The following LARP1B variants were observed in gnomAD, a reference collection of about 807,000 sequenced individuals.
LARP1B encodes la-related protein 1B.
LARP1B carries 76 observed loss-of-function variants against 114.2 expected under a neutral mutation model. The ratio of observed to expected loss-of-function variants is 0.67; its 90% CI spans 0.55 to 0.81. The LOEUF (loss-of-function observed/expected upper bound fraction) is 0.81, where lower values mean the gene tolerates loss of function less well. Among genes scored for constraint, LARP1B ranks in the 30% least tolerant of loss-of-function variants. LARP1B has a pLI of 0.00. For synonymous variants in LARP1B, 345 were observed against 348.0 expected, an observed-to-expected ratio of 0.99 and a Z score of 0.10; for missense variants, 1,014 against 1,075.8, an observed-to-expected ratio of 0.94 and a Z score of 0.80.
intron 9 of LARP1B, chr4:128,108,357 A>G: frequency 1.0e-6 from 1 of 991,298 alleles, no homozygotes; most frequent in Non-Finnish European, 1.2e-6. Context: ...AGTGTAGTGT[A>G]CATTGTAAAA....
At chr4:128,075,746 C>T (rs1270874497) in intron 3 of LARP1B, among the ~76,000 whole-genome samples, 1 of 151,614 alleles carries the variant, frequency 6.6e-6, no homozygotes, top group African/African-American at 2.4e-5. Context: ...GGGGTTTGGT[C>T]ATGTTGCCCA....
chr4:128,219,727 A>G (rs1228913361), intron 6 of LARP1B, among the ~76,000 whole-genome samples: 4 of 148,886 alleles, frequency 2.7e-5, no homozygotes, highest in African/African-American at 9.9e-5. Flanking sequence ...GCGCACCAGC[A>G]TGGCACATGT....
At chr4:128,175,070 G>C (rs1298653036) in intron 12 of LARP1B, among the ~76,000 whole-genome samples, 1 of 152,064 alleles carries the variant, frequency 6.6e-6, no homozygotes, top group Non-Finnish European at 1.5e-5. Context: ...ATTTGTTGAA[G>C]AAACTGGTTA....
chr4:128,123,419 A>G, intron 11 of LARP1B: 2 of 937,678 alleles, frequency 2.1e-6, no homozygotes, highest in Non-Finnish European at 2.5e-6. Flanking sequence ...GAACAGAGAT[A>G]CTAGTACATT....
At chr4:128,133,977 G>A (rs1171352777) in intron 11 of LARP1B, among the ~76,000 whole-genome samples, 3 of 151,340 alleles carry the variant, frequency 2.0e-5, no homozygotes, top group Non-Finnish European at 1.5e-5. Flanking sequence ...GATTACAGGC[G>A]TGGGCCACTG....
At position 128,107,276 on chromosome 4, in the gene LARP1B, A is replaced by G. The variant is rs1478872212; in HGVS notation, c.951A>G (p.Pro317=). ...ACTTCTCTCAACTGATTGATTGTCC[A>G]GAGTTTGTACCAGGCCAAGCCTTTT... is the stretch of plus-strand genomic sequence containing the variant. ...PTDFSQLIDC[P]EFVPGQAFCS... The change falls in exon 9 of 20, where the codon CCA becomes CCG. Residue 317 remains proline (P), a synonymous_variant. Coordinates refer to ENST00000326639, the MANE Select transcript of LARP1B (RefSeq NM_018078.4). 3 of 1,614,198 alleles carry G rather than the reference A, an allele frequency of 1.9e-6. No homozygotes were observed. Among genetic ancestry groups the G allele is most frequent in the Non-Finnish European group, 2.5e-6 (3 of 1,180,024 alleles).
At chr4:128,093,378 C>G (rs573947360) in intron 7 of LARP1B, among the ~76,000 whole-genome samples, 1 of 152,008 alleles carries the variant, frequency 6.6e-6, no homozygotes, top group African/African-American at 2.4e-5. Context: ...GGGCGGATCA[C>G]GAGGTCAGGA....
intron 10 of LARP1B, among the ~76,000 whole-genome samples, chr4:128,118,881 CTT>C (rs34136459): frequency 9.0e-4 from 126 of 139,306 alleles, no homozygotes; most frequent in Admixed American, 1.3e-3. Flanking sequence ...ATTCCACAGT[CTT>C]TTTTTTTTTT....
At chr4:128,155,129 A>G (rs1734862076) in intron 11 of LARP1B, among the ~76,000 whole-genome samples, 1 of 152,166 alleles carries the variant, frequency 6.6e-6, no homozygotes, top group African/African-American at 2.4e-5. Flanking sequence ...CTTTTTGAAC[A>G]AGGCAAGGTA....
chr4:128,098,747 G>GTATA lies in LARP1B; in HGVS notation c.813+435_813+438dup, dbSNP rs1554010737. On this transcript the variant is annotated intron_variant, in intron 8 of 19. Coordinates refer to ENST00000326639, the MANE Select transcript of LARP1B (RefSeq NM_018078.4). ...AGCATGTGTTCCTGTATATGTATGT[G>GTATA]TATATATATATATATATATATTTTT... 3.5e-3 allele frequency among the ~76,000 whole-genome samples: 54 copies of GTATA among 15,568 alleles called. 1 individual carries two copies. The highest frequency in any genetic ancestry group is 0.01 in the South Asian group (2 of 200). The allele number at this position is 15,568 out of a possible 152,430, so 10.2% of individuals were successfully genotyped here.
intron 11 of LARP1B, chr4:128,123,073 T>C (rs1421339570): frequency 1.0e-6 from 1 of 985,264 alleles, no homozygotes; most frequent in African/African-American, 1.7e-5. Flanking sequence ...GCTAGCCAAT[T>C]AGTGGCTGAG....
intron 10 of LARP1B, among the ~76,000 whole-genome samples, chr4:128,120,341 C>T (rs2149988287): frequency 6.6e-6 from 1 of 152,128 alleles, no homozygotes; most frequent in South Asian, 2.1e-4. Flanking sequence ...GAATGTAACA[C>T]CAAGTAGAAA....
At chr4:128,095,778 C>T (rs1031372372) in intron 7 of LARP1B, among the ~76,000 whole-genome samples, 3 of 152,014 alleles carry the variant, frequency 2.0e-5, no homozygotes, top group African/African-American at 7.2e-5. Flanking sequence ...TTTTATACCC[C>T]AAAATGTGAG....
intron 5 of LARP1B, among the ~76,000 whole-genome samples, chr4:128,086,107 T>G (rs7684955): frequency 0.65 from 96,922 of 148,768 alleles, 31,735 homozygotes; most frequent in Middle Eastern, 0.82. Flanking sequence ...TCCGCCTCCC[T>G]GGTTCACGCC....
chr4:128,133,702 T>A (rs1353768580), intron 11 of LARP1B, among the ~76,000 whole-genome samples: 1 of 152,176 alleles, frequency 6.6e-6, no homozygotes, highest in Non-Finnish European at 1.5e-5. Context: ...AAATGATTTT[T>A]TTTTCTTTTT....
intron 1 of LARP1B, among the ~76,000 whole-genome samples, chr4:128,065,193 C>CATAGTATAGTA (rs1553982126): frequency 6.6e-6 from 1 of 150,968 alleles, no homozygotes; most frequent in Non-Finnish European, 1.5e-5. Flanking sequence ...TCAGACCTGG[C>CATAGTATAGTA]ATAGTGTAGT....
At position 128,073,591 on chromosome 4, in the gene LARP1B, T is replaced by TTTTTTTTTTTTTTTTTTTTTTTTG. The variant is rs1766517165; in HGVS notation, c.-77-851_-77-850insTTTTTGTTTTTTTTTTTTTTTTTT. Among the ~76,000 whole-genome samples the TTTTTTTTTTTTTTTTTTTTTTTTG allele has an allele frequency of 7.2e-5, 2 of 27,916 alleles. 1 individual carries two copies. Among genetic ancestry groups the TTTTTTTTTTTTTTTTTTTTTTTTG allele is most frequent in the Non-Finnish European group, 1.4e-4 (2 of 13,888 alleles). 18.3% of individuals were successfully genotyped at this position (27,916 alleles called of 152,430 possible). A position where few individuals can be genotyped will look rare whatever the true frequency, so the allele number is the denominator to read the frequency against. ...GTTGTCGTTTTTTTTTTTTTTTTTT[T>TTTTTTTTTTTTTTTTTTTTTTTTG]TTTTTTTTTTTTTTTTTTGGACAGA... On this transcript the variant is annotated intron_variant, in intron 1 of 19. Coordinates refer to ENST00000326639, the MANE Select transcript of LARP1B (RefSeq NM_018078.4).
intron 12 of LARP1B, among the ~76,000 whole-genome samples, chr4:128,166,956 CTCTCTCTCTCTCTCTA>C (rs1157423832): frequency 1.7e-4 from 20 of 114,610 alleles, no homozygotes; most frequent in African/African-American, 5.0e-4. Context: ...CTCTCTCTCT[CTCTCTCTCTCTCTCTA>C]TATATATATA....
intron 8 of LARP1B, among the ~76,000 whole-genome samples, chr4:128,102,365 G>A (rs1288284075): frequency 6.6e-6 from 1 of 152,168 alleles, no homozygotes; most frequent in Non-Finnish European, 1.5e-5. Context: ...GTTAATGAAA[G>A]TATCTGGCAA....
Sources: gnomAD v4.1 joint callset for allele counts (sites outside exome capture counted in the v4.1 genomes callset) on GRCh38, gnomAD v4.1.1 for gene constraint, MANE v1.5 for transcripts, NCBI Gene and HGNC (gene_info 2026-07-23, HGNC 2026-07-21) for gene names.